The following KCNQ5 variants were observed in gnomAD, a reference collection of about 807,000 sequenced individuals.
KCNQ5 encodes potassium voltage-gated channel subfamily Q member 5.
KCNQ5 carries 30 observed loss-of-function variants against 98.2 expected under a neutral mutation model. The observed-to-expected ratio is 0.31, with a 90% CI of 0.23 to 0.41. The LOEUF (loss-of-function observed/expected upper bound fraction) is 0.41. Ranked by LOEUF, KCNQ5 falls within the 10% of genes least tolerant of loss-of-function variation. The probability of loss-of-function intolerance (pLI) is 1.00; values close to 1 mark genes in which losing one functional copy is unlikely to be tolerated. For missense variants in KCNQ5, 835 were observed against 1,182.5 expected (o/e 0.71, Z 4.31); for synonymous variants, 458 against 449.4 (o/e 1.02, Z -0.24).
Position 73,184,942 on chromosome 6 carries a change from G to A in KCNQ5, c.1578-5631G>A, listed in dbSNP as rs73753081. Among the ~76,000 whole-genome samples, 1,217 of 152,224 alleles carry A rather than the reference G, an allele frequency of 8.0e-3. 12 individuals carry two copies. The highest frequency in any genetic ancestry group is 0.027 in the African/African-American group (1,137 of 41,540). On this transcript the variant is annotated intron_variant, in intron 11 of 13. Transcript: ENST00000370398. ...TACCCTCTTCCTTCTAGAGTTGCCC[G>A]AAGTCTCCACAGTAGAGCTTCTAAA...
chr6:73,098,929 C>G (rs1048090418), intron 5 of KCNQ5, among the ~76,000 whole-genome samples: 2 of 152,004 alleles, frequency 1.3e-5, no homozygotes, highest in African/African-American at 4.8e-5. Flanking sequence ...TCAAAAATAA[C>G]TACAACAGCT....
Position 72,680,329 on chromosome 6 carries a change from G to A in KCNQ5, c.398+57742G>A, listed in dbSNP as rs1160602815. ...TTTTCTTTCACTTAATGTTTTCAAG[G>A]TACATTCATGGTGTAGCATGTATGA... On this transcript the variant is annotated intron_variant, in intron 1 of 13. Coordinates refer to ENST00000370398, the MANE Select transcript of KCNQ5 (RefSeq NM_019842.4). 2.6e-5 allele frequency among the ~76,000 whole-genome samples: 4 copies of A among 152,036 alleles called. No individual in the cohort carries two copies. The East Asian group carries it at 7.7e-4, about 29-fold the overall frequency.
intron 1 of KCNQ5, among the ~76,000 whole-genome samples, chr6:72,651,634 A>G (rs879666862): frequency 1.3e-5 from 2 of 152,206 alleles, no homozygotes; most frequent in East Asian, 1.9e-4. Flanking sequence ...AAGTTTTCCA[A>G]TGAAAACACT....
chr6:72,627,394 A>G (rs1163378822), intron 1 of KCNQ5, among the ~76,000 whole-genome samples: 1 of 152,244 alleles, frequency 6.6e-6, no homozygotes, highest in African/African-American at 2.4e-5. Flanking sequence ...GCTTTACAGC[A>G]ACCCAAAGGC....
At chr6:72,906,984 C>A (rs1405292391) in intron 1 of KCNQ5, among the ~76,000 whole-genome samples, 1 of 152,140 alleles carries the variant, frequency 6.6e-6, no homozygotes, top group African/African-American at 2.4e-5. Flanking sequence ...TAGTTGGGGT[C>A]ATGTTTTTCT....
At chr6:72,698,654 T>C (rs1284784638) in intron 1 of KCNQ5, among the ~76,000 whole-genome samples, 2 of 126,014 alleles carry the variant, frequency 1.6e-5, no homozygotes, top group South Asian at 4.8e-4. Flanking sequence ...TCTTCTTTTT[T>C]TTTTTTTTTT....
At chr6:72,634,343 T>C (rs1718963972) in intron 1 of KCNQ5, among the ~76,000 whole-genome samples, 1 of 152,244 alleles carries the variant, frequency 6.6e-6, no homozygotes, top group Non-Finnish European at 1.5e-5. Context: ...TCTGACGTGC[T>C]AGCTTATTTT....
chr6:72,634,104 G>C (rs2098922614), intron 1 of KCNQ5, among the ~76,000 whole-genome samples: 2 of 152,172 alleles, frequency 1.3e-5, no homozygotes, highest in African/African-American at 4.8e-5. Flanking sequence ...TGGGCCCAGG[G>C]CTCCTCATAT....
intron 1 of KCNQ5, among the ~76,000 whole-genome samples, chr6:72,946,327 A>G (rs924483622): frequency 6.6e-6 from 1 of 152,142 alleles, no homozygotes; most frequent in Non-Finnish European, 1.5e-5. Context: ...GAATAAAAAT[A>G]ATGTAATTGA....
chr6:72,689,329 A>G (rs1318421088), intron 1 of KCNQ5, among the ~76,000 whole-genome samples: 2 of 152,202 alleles, frequency 1.3e-5, no homozygotes, highest in African/African-American at 4.8e-5. Flanking sequence ...TTCACACAGA[A>G]AAAACAAAAC....
At chr6:73,181,334 A>T (rs1234974523) in intron 11 of KCNQ5, among the ~76,000 whole-genome samples, 1 of 152,226 alleles carries the variant, frequency 6.6e-6, no homozygotes, top group Non-Finnish European at 1.5e-5. Flanking sequence ...TTGCTGCTGT[A>T]TTAATCCCAG....
At chr6:72,942,286 C>T (rs1004136828) in intron 1 of KCNQ5, among the ~76,000 whole-genome samples, 1 of 152,096 alleles carries the variant, frequency 6.6e-6, no homozygotes, top group African/African-American at 2.4e-5. Context: ...TATTCACTGA[C>T]CTGTAGTATC....
intron 1 of KCNQ5, among the ~76,000 whole-genome samples, chr6:72,725,934 A>C (rs1478349209): frequency 1.3e-5 from 2 of 152,186 alleles, no homozygotes; most frequent in Non-Finnish European, 2.9e-5. Context: ...AAAATCAGTT[A>C]TGCATTTATC....
chr6:73,122,564 T>C (rs907325379), intron 8 of KCNQ5, among the ~76,000 whole-genome samples: 1 of 152,184 alleles, frequency 6.6e-6, no homozygotes, highest in Non-Finnish European at 1.5e-5. Context: ...CTCAGCTCCA[T>C]TGAATGAAGA....
intron 1 of KCNQ5, among the ~76,000 whole-genome samples, chr6:72,829,550 T>C (rs767468482): frequency 8.5e-5 from 13 of 152,328 alleles, no homozygotes; most frequent in Middle Eastern, 3.4e-3. Flanking sequence ...ATATACTTAA[T>C]ATATTCTATG....
rs146725514 is a variant in KCNQ5 at position 73,076,300 on chromosome 6, T to C, written c.617-1022T>C. Among the ~76,000 whole-genome samples, 49 of 152,282 alleles carry C rather than the reference T, an allele frequency of 3.2e-4. No individual in the cohort carries two copies. The East Asian group carries it at 7.7e-3, about 24-fold the overall frequency. On this transcript the variant is annotated intron_variant, in intron 3 of 13. Coordinates refer to ENST00000370398, the MANE Select transcript of KCNQ5 (RefSeq NM_019842.4). ...AAATGTGACATCCTTGAAATGGAAC[T>C]CCTCTTTGGAGTGTGGAAGCCCAGT...
intron 1 of KCNQ5, among the ~76,000 whole-genome samples, chr6:72,768,450 T>C (rs1030141252): frequency 4.6e-5 from 7 of 152,086 alleles, no homozygotes; most frequent in African/African-American, 1.7e-4. Flanking sequence ...TGGGTTAAAG[T>C]TGACTTTTGT....
intron 1 of KCNQ5, among the ~76,000 whole-genome samples, chr6:72,982,086 A>G (rs1002991701): frequency 1.3e-5 from 2 of 152,160 alleles, no homozygotes; most frequent in African/African-American, 4.8e-5. Context: ...TCTGTGGTCA[A>G]TTTTGGAATA....
At chr6:72,740,307 AATG>A (rs1472161896) in intron 1 of KCNQ5, among the ~76,000 whole-genome samples, 2 of 152,126 alleles carry the variant, frequency 1.3e-5, no homozygotes, top group African/African-American at 2.4e-5. Flanking sequence ...AAACTGGGGG[AATG>A]ATGTGAAGGG....
Sources: allele counts gnomAD v4.1 joint callset (sites outside exome capture counted in the v4.1 genomes callset), GRCh38; gene constraint gnomAD v4.1.1; transcripts MANE v1.5; gene names NCBI Gene and HGNC (gene_info 2026-07-23, HGNC 2026-07-21).